The following CDK6 variants were observed in gnomAD, a reference collection of about 807,000 sequenced individuals.
CDK6 encodes cyclin dependent kinase 6, also known as cyclin-dependent kinase 6.
In CDK6, 6 loss-of-function variants were observed where a neutral mutation model predicts 37.1. The ratio of observed to expected loss-of-function variants is 0.16; its 90% confidence interval spans 0.09 to 0.32. The LOEUF (loss-of-function observed/expected upper bound fraction) is 0.32. Ranked by LOEUF, CDK6 falls within the 10% of genes least tolerant of loss-of-function variation. The pLI, the probability that CDK6 is intolerant of heterozygous loss-of-function variation, is 1.00. For missense variants in CDK6, 224 were observed against 418.9 expected, an observed-to-expected ratio of 0.53 and a Z score of 4.06; for synonymous variants, 160 against 161.3, an observed-to-expected ratio of 0.99 and a Z score of 0.06.
intron 2 of CDK6, among the ~76,000 whole-genome samples, chr7:92,819,402 T>C: frequency 6.6e-6 from 1 of 152,106 alleles, no homozygotes; most frequent in Middle Eastern, 3.2e-3. Context: ...GGAGATTCAC[T>C]GCAAAGGGCC....
chr7:92,744,762 G>C (rs1799015069), intron 3 of CDK6, among the ~76,000 whole-genome samples: 1 of 152,172 alleles, frequency 6.6e-6, no homozygotes, highest in African/African-American at 2.4e-5. Flanking sequence ...TGTTAAATAT[G>C]TAACATTTTT....
At chr7:92,692,552 G>C (rs1585403856) in intron 4 of CDK6, among the ~76,000 whole-genome samples, 1 of 152,198 alleles carries the variant, frequency 6.6e-6, no homozygotes, top group Admixed American at 6.5e-5. Context: ...GGGAGGCCGA[G>C]GTGGGCAGAC....
chr7:92,640,418 G>A (rs999328327), intron 5 of CDK6, among the ~76,000 whole-genome samples: 5 of 152,184 alleles, frequency 3.3e-5, no homozygotes, highest in African/African-American at 1.2e-4. Context: ...TACAAAAGAA[G>A]GATGGTATAG....
At chr7:92,660,007 G>A (rs2116578273) in intron 5 of CDK6, among the ~76,000 whole-genome samples, 1 of 152,294 alleles carries the variant, frequency 6.6e-6, no homozygotes, top group East Asian at 1.9e-4. Flanking sequence ...GAACTCTGAA[G>A]CACAGTTTGA....
At chr7:92,826,652 A>G (rs1346259511) in intron 2 of CDK6, among the ~76,000 whole-genome samples, 1 of 152,178 alleles carries the variant, frequency 6.6e-6, no homozygotes, top group African/African-American at 2.4e-5. Flanking sequence ...TACAATATTG[A>G]AGATAAAAAA....
chr7:92,608,345 T>C lies in CDK6; in HGVS notation c.*6795A>G. On this transcript the variant is annotated 3_prime_UTR_variant, in exon 8 of 8. Coordinates refer to ENST00000424848, the MANE Select transcript of CDK6 (RefSeq NM_001145306.2). Reference sequence around the variant, plus strand: ...TGCTACATGAGATAATTTGTTTACATACCTTTAATTACCTAACAAAGAAAA... The same window carrying C: ...TGCTACATGAGATAATTTGTTTACACACCTTTAATTACCTAACAAAGAAAA... The C allele has an allele frequency of 4.3e-6, 1 of 231,952 alleles. No individual in the cohort carries two copies. Among genetic ancestry groups the C allele is most frequent in the Non-Finnish European group, 8.5e-6 (1 of 117,302 alleles). 14.4% of individuals were successfully genotyped at this position (231,952 alleles called of 1,614,324 possible). A position where few individuals can be genotyped will look rare whatever the true frequency, so the allele number is the denominator to read the frequency against.
intron 4 of CDK6, among the ~76,000 whole-genome samples, chr7:92,680,802 C>A (rs1193373081): frequency 6.6e-6 from 1 of 152,204 alleles, no homozygotes. Context: ...TGAGTCTCTG[C>A]AGGTCCAGAT....
chr7:92,770,132 T>G (rs1210413917), intron 3 of CDK6, among the ~76,000 whole-genome samples: 1 of 152,174 alleles, frequency 6.6e-6, no homozygotes, highest in African/African-American at 2.4e-5. Flanking sequence ...AAGCCAGATA[T>G]GTCAACAATA....
rs567940983 is a variant in CDK6 at position 92,798,675 on chromosome 7, T to C, written c.234-23844A>G. On this transcript the variant is annotated intron_variant, in intron 2 of 7. Transcript: ENST00000424848. ...AAGGGAACCCAAGTGTGCTGACCAC[T>C]TTAAAGTCTTCCACAGGCTTGGGTC... Among the ~76,000 whole-genome samples the C allele has an allele frequency of 5.2e-4, 79 of 152,342 alleles. No individual in the cohort carries two copies. The Middle Eastern group carries it at 0.014, about 26-fold the overall frequency.
chr7:92,645,168 G>A (rs1051580819), intron 5 of CDK6, among the ~76,000 whole-genome samples: 72 of 152,294 alleles, frequency 4.7e-4, no homozygotes, highest in African/African-American at 1.7e-3. Context: ...AGTCTATGGT[G>A]TTTTCACTCA....
At chr7:92,643,447 T>TG (rs1288874582) in intron 5 of CDK6, among the ~76,000 whole-genome samples, 1 of 152,022 alleles carries the variant, frequency 6.6e-6, no homozygotes, top group Admixed American at 6.6e-5. Flanking sequence ...AAGACTGACG[T>TG]GGTCCCTGCC....
At chr7:92,741,349 T>C (rs1317822630) in intron 3 of CDK6, among the ~76,000 whole-genome samples, 1 of 152,240 alleles carries the variant, frequency 6.6e-6, no homozygotes, top group Non-Finnish European at 1.5e-5. Flanking sequence ...GCATTTCTGA[T>C]AAACAACAAA....
chr7:92,666,120 C>T (rs771858799), intron 5 of CDK6, among the ~76,000 whole-genome samples: 4 of 152,222 alleles, frequency 2.6e-5, no homozygotes, highest in Non-Finnish European at 5.9e-5. Context: ...ACATAAATGA[C>T]TATTCCTCAA....
intron 3 of CDK6, among the ~76,000 whole-genome samples, chr7:92,728,673 C>T (rs879746438): frequency 2.0e-5 from 3 of 152,172 alleles, no homozygotes; most frequent in Admixed American, 2.0e-4. Flanking sequence ...CATGACTGCA[C>T]TAACGTTGAT....
intron 4 of CDK6, among the ~76,000 whole-genome samples, chr7:92,676,349 A>T (rs1562932402): frequency 6.6e-6 from 1 of 152,080 alleles, no homozygotes; most frequent in Non-Finnish European, 1.5e-5. Flanking sequence ...TACAACAGAG[A>T]CTATGATCTG....
intron 4 of CDK6, among the ~76,000 whole-genome samples, chr7:92,700,700 A>G (rs971610598): frequency 6.6e-6 from 1 of 152,380 alleles, no homozygotes; most frequent in African/African-American, 2.4e-5. Flanking sequence ...TGAAGGAGAT[A>G]GCATGTACAG....
intron 2 of CDK6, among the ~76,000 whole-genome samples, chr7:92,782,371 T>C (rs1246388506): frequency 6.6e-6 from 1 of 152,208 alleles, no homozygotes; most frequent in Non-Finnish European, 1.5e-5. Flanking sequence ...CACACCCTTA[T>C]TTTCTGTTGA....
chr7:92,746,356 T>G (rs1160917765), intron 3 of CDK6, among the ~76,000 whole-genome samples: 1 of 152,206 alleles, frequency 6.6e-6, no homozygotes, highest in East Asian at 1.9e-4. Context: ...AGGCAAAGCA[T>G]CCCTAATCTG....
intron 2 of CDK6, among the ~76,000 whole-genome samples, chr7:92,827,355 A>T (rs1801351061): frequency 6.6e-6 from 1 of 152,186 alleles, no homozygotes; most frequent in Non-Finnish European, 1.5e-5. Flanking sequence ...GCAAACTACT[A>T]TAGACAAAGG....
Sources: gnomAD v4.1 joint callset for allele counts (sites outside exome capture counted in the v4.1 genomes callset) on GRCh38, gnomAD v4.1.1 for gene constraint, MANE v1.5 for transcripts, NCBI Gene and HGNC (gene_info 2026-07-23, HGNC 2026-07-21) for gene names.